The following PKNOX2 variants were observed in gnomAD, a reference collection of about 807,000 sequenced individuals.
The protein encoded by PKNOX2 is homeobox protein PKNOX2.
PKNOX2 carries 14 observed loss-of-function variants against 53.1 expected under a neutral mutation model. That is an observed-to-expected ratio of 0.26 (90% confidence interval 0.17 to 0.41). The LOEUF is 0.41. Among genes scored for constraint, PKNOX2 ranks in the 10% least tolerant of loss-of-function variants. PKNOX2 has a pLI of 1.00. For missense variants in PKNOX2, 496 were observed against 602.8 expected (o/e 0.82, Z 1.85); for synonymous variants, 257 against 242.8 (o/e 1.06, Z -0.54).
At chr11:125,418,417 G>A (rs1565521732) in intron 10 of PKNOX2, among the ~76,000 whole-genome samples, 1 of 152,038 alleles carries the variant, frequency 6.6e-6, no homozygotes, top group Non-Finnish European at 1.5e-5. Context: ...GGTATACTCT[G>A]CATGATTCTG....
At chr11:125,202,828 T>C (rs665502) in intron 1 of PKNOX2, among the ~76,000 whole-genome samples, 38,489 of 152,164 alleles carry the variant, frequency 0.25, 5,268 homozygotes, top group South Asian at 0.37. Context: ...AATTATTTTT[T>C]TCTTTTTAGA....
chr11:125,291,003 A>G (rs936974505), intron 2 of PKNOX2, among the ~76,000 whole-genome samples: 1 of 152,024 alleles, frequency 6.6e-6, no homozygotes, highest in Non-Finnish European at 1.5e-5. Flanking sequence ...CAGACGCAAG[A>G]CTACACCCCG....
intron 1 of PKNOX2, among the ~76,000 whole-genome samples, chr11:125,218,940 G>C (rs1467162775): frequency 6.6e-6 from 1 of 152,138 alleles, no homozygotes; most frequent in African/African-American, 2.4e-5. Flanking sequence ...TCTTAGCTCT[G>C]TTTTCCAACT....
intron 2 of PKNOX2, among the ~76,000 whole-genome samples, chr11:125,327,810 G>T (rs1349639254): frequency 6.6e-6 from 1 of 152,224 alleles, no homozygotes; most frequent in African/African-American, 2.4e-5. Flanking sequence ...ATGGAACTCG[G>T]CAGTTGTCAG....
intron 5 of PKNOX2, among the ~76,000 whole-genome samples, chr11:125,372,644 C>CA (rs1216664046): frequency 1.3e-5 from 2 of 152,214 alleles, no homozygotes; most frequent in African/African-American, 4.8e-5. Flanking sequence ...ATCTTCACTC[C>CA]AAACTTCTCC....
chr11:125,171,941 C>G (rs1160275401), intron 1 of PKNOX2, among the ~76,000 whole-genome samples: 1 of 152,162 alleles, frequency 6.6e-6, no homozygotes, highest in African/African-American at 2.4e-5. Flanking sequence ...GAAAAAGCCA[C>G]CAACCAGGTG....
At chr11:125,357,631 C>T (rs1266093154) in intron 4 of PKNOX2, among the ~76,000 whole-genome samples, 9 of 152,122 alleles carry the variant, frequency 5.9e-5, no homozygotes, top group Admixed American at 3.9e-4. Context: ...GCCTGCCTTT[C>T]GCACGCCGTT....
chr11:125,325,666 C>T (rs1949783798), intron 2 of PKNOX2, among the ~76,000 whole-genome samples: 1 of 152,216 alleles, frequency 6.6e-6, no homozygotes, highest in South Asian at 2.1e-4. Flanking sequence ...CTAAGCATAT[C>T]ACACATCTAA....
intron 1 of PKNOX2, among the ~76,000 whole-genome samples, chr11:125,191,768 G>A (rs963804496): frequency 3.9e-5 from 6 of 152,184 alleles, no homozygotes; most frequent in African/African-American, 1.4e-4. Context: ...CTTGCTTTGG[G>A]TTGTGATGAA....
At chr11:125,228,800 G>A (rs1292280827) in intron 1 of PKNOX2, among the ~76,000 whole-genome samples, 1 of 152,106 alleles carries the variant, frequency 6.6e-6, no homozygotes, top group Non-Finnish European at 1.5e-5. Context: ...TTTTATTGCT[G>A]GTCTGATGGC....
chr11:125,424,660 T>G (rs1452970912), intron 10 of PKNOX2, among the ~76,000 whole-genome samples: 1 of 152,200 alleles, frequency 6.6e-6, no homozygotes, highest in East Asian at 1.9e-4. Flanking sequence ...CACCAGCACC[T>G]CAGTGTCTAT....
chr11:125,378,294 A>C (rs1413209670), intron 5 of PKNOX2, among the ~76,000 whole-genome samples: 1 of 151,964 alleles, frequency 6.6e-6, no homozygotes, highest in Non-Finnish European at 1.5e-5. Context: ...ACCTCACCCC[A>C]CCCCACCGGC....
intron 2 of PKNOX2, among the ~76,000 whole-genome samples, chr11:125,244,393 C>T (rs745723219): frequency 6.6e-6 from 1 of 152,170 alleles, no homozygotes; most frequent in Non-Finnish European, 1.5e-5. Context: ...GGGATGCAGA[C>T]GCTGCCTCCC....
intron 5 of PKNOX2, 53 bp from the exon 6 acceptor site, chr11:125,385,498 T>C (rs1953561610): frequency 2.3e-5 from 35 of 1,525,510 alleles, no homozygotes; most frequent in Non-Finnish European, 2.9e-5. Flanking sequence ...TGAGCACAGG[T>C]AGCAGCACGG....
chr11:125,225,435 C>G (rs1014579140), intron 1 of PKNOX2, among the ~76,000 whole-genome samples: 1 of 152,218 alleles, frequency 6.6e-6, no homozygotes, highest in African/African-American at 2.4e-5. Flanking sequence ...CTCCACCACT[C>G]TCTGAACTGT....
At chr11:125,355,489 G>T (rs565937810) in intron 4 of PKNOX2, among the ~76,000 whole-genome samples, 1 of 152,210 alleles carries the variant, frequency 6.6e-6, no homozygotes, top group East Asian at 1.9e-4. Flanking sequence ...AGAGGTAGGG[G>T]TAAGTCACTG....
intron 1 of PKNOX2, among the ~76,000 whole-genome samples, chr11:125,234,196 C>T (rs1942475589): frequency 6.6e-6 from 1 of 152,250 alleles, no homozygotes; most frequent in East Asian, 1.9e-4. Flanking sequence ...TTGCAGACTT[C>T]ATGTCTCTGT....
intron 3 of PKNOX2, among the ~76,000 whole-genome samples, chr11:125,349,836 A>AACACACAC (rs1951199693): frequency 1.1e-5 from 1 of 88,784 alleles, no homozygotes; most frequent in Admixed American, 1.2e-4. Context: ...AACCAAAAGA[A>AACACACAC]TCACACACAC....
In PKNOX2 at chr11:125,431,265, G is replaced by A. The variant is rs758077148; in HGVS notation, c.1292G>A (p.Gly431Glu). 7 of 1,613,758 alleles carry A rather than the reference G, an allele frequency of 4.3e-6. No homozygotes were observed. The highest frequency in any genetic ancestry group is 2.2e-5 in the East Asian group (1 of 44,866). Residue 431 changes from glycine (G) to glutamate (E), a missense_variant, in exon 13 of 13, where the codon GGG becomes GAG. Gly to Glu is a moderately conservative substitution (Grantham distance 98). Around this residue, in one of 5 missense-constraint regions of PKNOX2, gnomAD observed 139 missense variants for 161.3 expected, o/e 0.86. Coordinates refer to ENST00000298282, the MANE Select transcript of PKNOX2 (RefSeq NM_001382323.2). The part of the protein sequence containing the change: ...MMAAHDDSLD[G>E]TEEEDEDEME... ...GCTGCACACGATGACTCATTGGATG[G>A]GACAGAAGAAGAGGATGAGGATGAG...
Sources: gnomAD v4.1 joint callset for allele counts (sites outside exome capture counted in the v4.1 genomes callset) on GRCh38, gnomAD v4.1.1 for gene constraint, gnomAD v4.1.1 regional missense constraint, MANE v1.5 for transcripts, NCBI Gene and HGNC (gene_info 2026-07-23, HGNC 2026-07-21) for gene names.